URI1: variants seen among roughly 807,000 people sequenced by gnomAD.
URI1 encodes unconventional prefoldin RPB5 interactor 1.
In URI1, 39 loss-of-function variants were observed where a neutral mutation model predicts 60.2. The ratio of observed to expected loss-of-function variants is 0.65; its 90% confidence interval spans 0.50 to 0.85. The LOEUF (loss-of-function observed/expected upper bound fraction) is 0.85. Among genes scored for constraint, URI1 ranks in the 40% least tolerant of loss-of-function variants. The pLI is 0.00. For synonymous variants in URI1, 251 were observed against 236.8 expected (o/e 1.06, Z -0.55); for missense variants, 691 against 665.9 (o/e 1.04, Z -0.42).
chr19:29,958,036 C>T (rs1215422920), intron 1 of URI1: 1 of 152,022 alleles, frequency 6.6e-6, no homozygotes, highest in Admixed American at 6.6e-5. Flanking sequence ...GTGATCCACC[C>T]GCCTCTGCTT....
chr19:29,936,293 G>C (rs1433748270), intron 1 of URI1, among the ~76,000 whole-genome samples: 1 of 151,750 alleles, frequency 6.6e-6, no homozygotes, highest in Non-Finnish European at 1.5e-5. Flanking sequence ...TAGTAGAATG[G>C]GGTTTCGCCA....
chr19:29,952,979 A>G (rs149084005), intron 1 of URI1, among the ~76,000 whole-genome samples: 2 of 152,202 alleles, frequency 1.3e-5, no homozygotes, highest in African/African-American at 4.8e-5. Context: ...GAAGATTTAT[A>G]CCTATGTTTC....
chr19:29,964,385 C>A (rs1416345913), intron 1 of URI1, among the ~76,000 whole-genome samples: 1 of 151,574 alleles, frequency 6.6e-6, no homozygotes, highest in East Asian at 1.9e-4. Flanking sequence ...TAGCTACTTG[C>A]AGTGATTTAG....
At chr19:29,988,453 G>A (rs1410890684) in intron 4 of URI1, among the ~76,000 whole-genome samples, 2 of 152,170 alleles carry the variant, frequency 1.3e-5, no homozygotes, top group African/African-American at 4.8e-5. Flanking sequence ...TCAGGACTCA[G>A]CTCCTATCAA....
chr19:30,012,232 C>A, intron 9 of URI1, 53 bp from the exon 10 acceptor site: 1 of 1,495,272 alleles, frequency 6.7e-7, no homozygotes, highest in South Asian at 1.4e-5. Flanking sequence ...AAAAGTTGTT[C>A]TCAGTTTTAT....
At chr19:30,010,952 T>C in intron 8 of URI1, 142 bp from the exon 9 acceptor site, 1 of 837,212 alleles carries the variant, frequency 1.2e-6, no homozygotes, top group South Asian at 2.0e-5. Context: ...AAATTCCATC[T>C]GATAATGCAC....
At chr19:29,950,800 AT>A (rs2145253391) in intron 1 of URI1, among the ~76,000 whole-genome samples, 1 of 152,342 alleles carries the variant, frequency 6.6e-6, no homozygotes, top group East Asian at 1.9e-4. Context: ...TTACTATGGC[AT>A]TTGACTCTCT....
At chr19:29,986,220 T>G (rs1234258583) in intron 3 of URI1, 62 bp from the exon 4 acceptor site, 2 of 1,449,934 alleles carry the variant, frequency 1.4e-6, no homozygotes, top group African/African-American at 2.9e-5. Flanking sequence ...CGAAGTGTTT[T>G]ATAAAATGTA....
intron 2 of URI1, among the ~76,000 whole-genome samples, chr19:29,973,748 C>T (rs533696346): frequency 1.7e-4 from 26 of 151,738 alleles, no homozygotes; most frequent in African/African-American, 4.1e-4. Flanking sequence ...CTTTGGTGAA[C>T]GAAGAAATTT....
chr19:29,944,621 T>C (rs1162927845), intron 1 of URI1, among the ~76,000 whole-genome samples: 1 of 152,206 alleles, frequency 6.6e-6, no homozygotes, highest in African/African-American at 2.4e-5. Flanking sequence ...TGTGGCAAAC[T>C]GAATGACTGT....
chr19:29,961,676 T>G (rs12980865), intron 1 of URI1, among the ~76,000 whole-genome samples: 99 of 1,772 alleles, frequency 0.056, no homozygotes, highest in East Asian at 0.49. Context: ...TTTTTTTTTG[T>G]TTTTTTTTTT....
intron 2 of URI1, among the ~76,000 whole-genome samples, chr19:29,974,737 C>G (rs1410999287): frequency 6.6e-6 from 1 of 152,108 alleles, no homozygotes; most frequent in African/African-American, 2.4e-5. Flanking sequence ...TTGCCCCTGC[C>G]CTTTCTCACC....
chr19:29,956,159 A>G (rs1276746050), intron 1 of URI1, among the ~76,000 whole-genome samples: 1 of 148,124 alleles, frequency 6.8e-6, no homozygotes, highest in Non-Finnish European at 1.5e-5. Flanking sequence ...TAATTTTTGT[A>G]TTTTTAGTAG....
chr19:29,936,401 C>G (rs1047506228), intron 1 of URI1, among the ~76,000 whole-genome samples: 1 of 152,186 alleles, frequency 6.6e-6, no homozygotes, highest in Non-Finnish European at 1.5e-5. Flanking sequence ...CTGCACCCAG[C>G]CCCTCTATGG....
intron 6 of URI1, 125 bp from the exon 7 acceptor site, chr19:30,007,345 C>G: frequency 9.3e-7 from 1 of 1,076,238 alleles, no homozygotes; most frequent in Non-Finnish European, 1.3e-6. Context: ...TTCTGTTTGG[C>G]TTAAAAATTG....
chr19:30,005,699 G>C lies in URI1; in HGVS notation c.508G>C (p.Glu170Gln), dbSNP rs749777203. 2.5e-6 allele frequency: 4 copies of C among 1,611,282 alleles called. No individual in the cohort carries two copies. The Admixed American group carries it at 6.7e-5, about 27-fold the overall frequency. ...ACGAGAAGAAATTAAATGTGACTTCGAATTTAAAGGTAAGCAGTAAGATTG... is the reference window on the plus strand; with the variant it reads ...ACGAGAAGAAATTAAATGTGACTTCCAATTTAAAGGTAAGCAGTAAGATTG... The part of the protein sequence containing the change: ...DIREEIKCDF[E>Q]FKAKHRIAHK... Residue 170 changes from glutamate to glutamine, a missense_variant, in exon 6 of 11, where the codon GAA (glutamate) becomes CAA (glutamine). Coordinates refer to ENST00000392271, the MANE Select transcript of URI1 (RefSeq NM_003796.3).
At chr19:29,951,961 T>C (rs75962572) in intron 1 of URI1, among the ~76,000 whole-genome samples, 1,581 of 152,334 alleles carry the variant, frequency 0.01, 36 homozygotes, top group African/African-American at 0.036. Flanking sequence ...CCAAGAGCCT[T>C]ATAAAATAAG....
chr19:29,959,117 T>TTG (rs1185814164), intron 1 of URI1, among the ~76,000 whole-genome samples: 2 of 152,278 alleles, frequency 1.3e-5, no homozygotes, highest in African/African-American at 2.4e-5. Context: ...TTATTGGTTT[T>TTG]TGTGTGTGTG....
At chr19:29,984,289 C>T (rs959292868) in intron 2 of URI1, among the ~76,000 whole-genome samples, 1 of 151,978 alleles carries the variant, frequency 6.6e-6, no homozygotes, top group Non-Finnish European at 1.5e-5. Flanking sequence ...ATTAGCTGGG[C>T]GTGGTGTCAT....
Sources: gnomAD v4.1 joint callset for allele counts (sites outside exome capture counted in the v4.1 genomes callset) on GRCh38, gnomAD v4.1.1 for gene constraint, MANE v1.5 for transcripts, NCBI Gene and HGNC (gene_info 2026-07-23, HGNC 2026-07-21) for gene names.